The following VASH2 variants were observed in gnomAD, a reference collection of about 807,000 sequenced individuals.
VASH2 encodes vasohibin 2, also known as tubulinyl-Tyr carboxypeptidase 2.
VASH2 carries 28 observed loss-of-function variants against 37.2 expected under a neutral mutation model. The observed-to-expected ratio is 0.75, with a 90% CI of 0.56 to 1.03. The LOEUF (loss-of-function observed/expected upper bound fraction) is 1.03, where lower values mean the gene tolerates loss of function less well. VASH2 is among the 50% of genes least tolerant of loss of function. The pLI is 0.00. For missense variants in VASH2, 419 were observed against 459.1 expected (o/e 0.91, Z 0.80); for synonymous variants, 188 against 174.7 (o/e 1.08, Z -0.60).
chr1:212,986,349 GT>G (rs2102663948), intron 7 of VASH2, among the ~76,000 whole-genome samples: 1 of 152,336 alleles, frequency 6.6e-6, no homozygotes, highest in African/African-American at 2.4e-5. Flanking sequence ...TGATGCTAAT[GT>G]ATGGGGAGTC....
Position 212,972,896 on chromosome 1 carries a change from T to A in VASH2, c.814T>A (p.Ser272Thr), listed in dbSNP as rs769890903. The A allele has an allele frequency of 6.2e-7, 1 of 1,614,022 alleles. No individual in the cohort carries two copies. The highest frequency in any genetic ancestry group is 8.5e-7 in the Non-Finnish European group (1 of 1,180,018). Residue 272 changes from serine to threonine, a missense_variant, in exon 6 of 8, where the codon TCA becomes ACA. This residue lies in a region of VASH2 where 177 missense variants were observed against 166.2 expected (regional missense o/e 1.06). Transcript: ENST00000517399. The stretch of plus-strand genomic sequence containing the variant: ...GTGGAAGCAGCTGGTCCTCAACGTC[T>A]CAAAGATGCTGAGGGCTGACATAAG... Reference protein sequence around the residue: ...IEWKQLVLNVSKMLRADIRKE... With the variant: ...IEWKQLVLNVTKMLRADIRKE...
intron 3 of VASH2, among the ~76,000 whole-genome samples, chr1:212,963,228 C>T (rs1666729838): frequency 6.6e-6 from 1 of 152,170 alleles, no homozygotes; most frequent in African/African-American, 2.4e-5. Context: ...TCTTCTCTGA[C>T]CCATTATGAC....
intron 3 of VASH2, among the ~76,000 whole-genome samples, chr1:212,961,751 C>A (rs1402778771): frequency 6.6e-6 from 1 of 152,138 alleles, no homozygotes; most frequent in African/African-American, 2.4e-5. Flanking sequence ...TACAGGCATC[C>A]GCCACCACAC....
chr1:212,972,289 G>A (rs1251064551), intron 5 of VASH2, among the ~76,000 whole-genome samples: 4 of 152,076 alleles, frequency 2.6e-5, no homozygotes, highest in African/African-American at 9.7e-5. Flanking sequence ...CAGGAGCAGA[G>A]GAAAAAGTGC....
chr1:212,972,022 G>T (rs10746440), intron 5 of VASH2, among the ~76,000 whole-genome samples: 3 of 151,996 alleles, frequency 2.0e-5, no homozygotes, highest in Non-Finnish European at 4.4e-5. Context: ...GATGATCCCA[G>T]GCTTGGTGCT....
At chr1:212,968,398 G>A (rs1367644930) in intron 5 of VASH2, 1 of 985,390 alleles carries the variant, frequency 1.0e-6, no homozygotes, top group Admixed American at 6.1e-5. Flanking sequence ...ATGTGGCTCA[G>A]AATTAGACTG....
chr1:212,968,838 T>C (rs1666923606), intron 5 of VASH2: 1 of 985,450 alleles, frequency 1.0e-6, no homozygotes. Flanking sequence ...AGGCCCTTCA[T>C]GGGGTAGACA....
At chr1:212,954,586 AT>A (rs1427417473) in intron 2 of VASH2, among the ~76,000 whole-genome samples, 1 of 151,912 alleles carries the variant, frequency 6.6e-6, no homozygotes, top group South Asian at 2.1e-4. Flanking sequence ...ATGCCCAGCT[AT>A]TTTTTGTATT....
chr1:212,965,936 C>G, intron 4 of VASH2, 158 bp downstream of exon 4: 2 of 680,256 alleles, frequency 2.9e-6, no homozygotes, highest in South Asian at 3.8e-5. Flanking sequence ...GGAGGTGGGA[C>G]TGAGGACTGA....
In VASH2 at chr1:212,961,210, C is replaced by G. The variant is rs748743761; in HGVS notation, c.321C>G (p.Ile107Met). The G allele has an allele frequency of 3.1e-6, 5 of 1,614,074 alleles. No individual in the cohort carries two copies. Among genetic ancestry groups the G allele is most frequent in the Non-Finnish European group, 4.2e-6 (5 of 1,180,040 alleles). The part of the protein sequence containing the change: ...QVPNYRLSMT[I>M]PDWLQAIQNY... ...CAAACTACAGGCTGTCGATGACGAT[C>G]CCAGACTGGCTCCAGGCGATCCAGA... Residue 107 changes from isoleucine to methionine, a missense_variant, in exon 3 of 8, where the codon ATC becomes ATG. By Grantham distance (10) the Ile-to-Met change is conservative (BLOSUM62 1). This residue lies in a region of VASH2 where 158 missense variants were observed against 163.0 expected (regional missense o/e 0.97). Coordinates refer to ENST00000517399, the MANE Select transcript of VASH2 (RefSeq NM_001301056.2).
At chr1:212,967,339 G>A (rs1261730329) in intron 5 of VASH2, 2 of 1,226,598 alleles carry the variant, frequency 1.6e-6, no homozygotes, top group African/African-American at 3.1e-5. Context: ...TTGAAATTGT[G>A]GGGATAGACC....
chr1:212,972,906 T>C lies in VASH2; in HGVS notation c.824T>C (p.Leu275Pro), dbSNP rs200712541. Residue 275 changes from leucine to proline, a missense_variant, in exon 6 of 8, where the codon CTG becomes CCG. This residue lies in a region of VASH2 where 177 missense variants were observed against 166.2 expected (regional missense o/e 1.06). Transcript: ENST00000517399. ...KQLVLNVSKM[L>P]RADIRKELEK... ...CTGGTCCTCAACGTCTCAAAGATGC[T>C]GAGGGCTGACATAAGGAAGGAGCTG... 1 of 1,614,120 alleles carries C rather than the reference T, an allele frequency of 6.2e-7. No homozygotes were observed. Among genetic ancestry groups the C allele is most frequent in the Non-Finnish European group, 8.5e-7 (1 of 1,180,028 alleles).
In VASH2 at chr1:212,951,669, A is replaced by G. The variant is rs759620375; in HGVS notation, c.127A>G (p.Lys43Glu). The G allele has an allele frequency of 1.3e-6, 2 of 1,595,786 alleles. No individual in the cohort carries two copies. The highest frequency in any genetic ancestry group is 1.7e-6 in the Non-Finnish European group (2 of 1,172,222). The change falls in exon 2 of 8, where the codon AAA (lysine) becomes GAA (glutamate). Residue 43 changes from lysine (K) to glutamate (E), a missense_variant. Around this residue, in one of 3 missense-constraint regions of VASH2, gnomAD observed 158 missense variants for 163.0 expected, o/e 0.97. Coordinates refer to ENST00000517399, the MANE Select transcript of VASH2 (RefSeq NM_001301056.2). The surrounding 1 kb of genome is among the most constrained non-coding windows in gnomAD (Gnocchi z 4.4). ...ATSGGSEEED[K>E]DGGVLFHVNK... Reference sequence around the variant, plus strand: ...CAGCGGGGGCTCAGAGGAGGAGGACAAAGACGGCGGGGTGCTGTTCCACGT... The same window carrying G: ...CAGCGGGGGCTCAGAGGAGGAGGACGAAGACGGCGGGGTGCTGTTCCACGT...
intron 7 of VASH2, among the ~76,000 whole-genome samples, chr1:212,983,546 C>T (rs933040583): frequency 6.6e-6 from 1 of 152,240 alleles, no homozygotes; most frequent in Non-Finnish European, 1.5e-5. Context: ...CTAAGCCCTG[C>T]CTCCCAACCC....
chr1:212,966,039 C>T lies in VASH2; in HGVS notation c.423-232C>T, dbSNP rs1666829665. The T allele has an allele frequency of 1.2e-5, 7 of 600,560 alleles. No homozygotes were observed. In the Admixed American group the frequency reaches 2.1e-4, roughly 18 times the overall value. 37.2% of individuals were successfully genotyped at this position (600,560 alleles called of 1,614,324 possible). On this transcript the variant is annotated intron_variant, in intron 4 of 7. Coordinates refer to ENST00000517399, the MANE Select transcript of VASH2 (RefSeq NM_001301056.2). Reference sequence around the variant, plus strand: ...CCTCTCGAGGCTTCATTTATTTGTTCTATTGTAATGCCCCCGTGCTGGGGC... The same window carrying T: ...CCTCTCGAGGCTTCATTTATTTGTTTTATTGTAATGCCCCCGTGCTGGGGC...
intron 7 of VASH2, among the ~76,000 whole-genome samples, chr1:212,987,798 C>T (rs972700626): frequency 5.3e-5 from 8 of 152,132 alleles, no homozygotes; most frequent in African/African-American, 1.9e-4. Flanking sequence ...TAGGCATAAT[C>T]GTATATTGGA....
intron 7 of VASH2, chr1:212,974,572 G>GCTAA (rs1667116120): frequency 6.6e-6 from 1 of 152,234 alleles, no homozygotes; most frequent in Non-Finnish European, 1.5e-5. Context: ...TTCTTCCTTG[G>GCTAA]CTAACTCTAC....
At chr1:212,973,810 TCC>T in intron 6 of VASH2, 143 bp from the exon 7 acceptor site, 1 of 1,420,646 alleles carries the variant, frequency 7.0e-7, no homozygotes, top group African/African-American at 1.4e-5. Context: ...GTCTCCAGCC[TCC>T]TTTTTTAGAA....
At chr1:212,982,111 G>A (rs369846735) in intron 7 of VASH2, among the ~76,000 whole-genome samples, 16 of 152,274 alleles carry the variant, frequency 1.1e-4, no homozygotes, top group African/African-American at 2.9e-4. Context: ...AGCACCCTCC[G>A]TCCAGCTGGC....
Sources: allele counts gnomAD v4.1 joint callset (sites outside exome capture counted in the v4.1 genomes callset), GRCh38; gene constraint gnomAD v4.1.1; regional missense constraint gnomAD v4.1.1; non-coding constraint Gnocchi (gnomAD v3.1); transcripts MANE v1.5; gene names NCBI Gene and HGNC (gene_info 2026-07-23, HGNC 2026-07-21).